GSK3B: variants seen among roughly 807,000 people sequenced by gnomAD.
The protein encoded by GSK3B is glycogen synthase kinase-3 beta.
In GSK3B, 15 loss-of-function variants were observed where a neutral mutation model predicts 56.4. The ratio of observed to expected loss-of-function variants is 0.27; its 90% confidence interval spans 0.18 to 0.41. GSK3B has a LOEUF of 0.41. Ranked by LOEUF, GSK3B falls within the 10% of genes least tolerant of loss-of-function variation. The probability of loss-of-function intolerance (pLI) is 1.00; values close to 1 mark genes in which losing one functional copy is unlikely to be tolerated. For missense variants in GSK3B, 300 were observed against 513.4 expected, an observed-to-expected ratio of 0.58 and a Z score of 4.02; for synonymous variants, 181 against 188.9, an observed-to-expected ratio of 0.96 and a Z score of 0.34.
chr3:120,060,693 T>C (rs1050169451), intron 1 of GSK3B, among the ~76,000 whole-genome samples: 3 of 152,192 alleles, frequency 2.0e-5, no homozygotes, highest in African/African-American at 7.2e-5. Flanking sequence ...GCCACTTCAC[T>C]CCAGCCTGGG....
At chr3:120,022,125 C>G (rs1298222489) in intron 1 of GSK3B, among the ~76,000 whole-genome samples, 1 of 152,196 alleles carries the variant, frequency 6.6e-6, no homozygotes, top group African/African-American at 2.4e-5. Context: ...ATCCAGCAAA[C>G]TTCATGGTTG....
chr3:120,071,030 G>A (rs1464461310), intron 1 of GSK3B, among the ~76,000 whole-genome samples: 4 of 152,134 alleles, frequency 2.6e-5, no homozygotes, highest in Non-Finnish European at 4.4e-5. Flanking sequence ...TAAAAACAAG[G>A]GCTAAATACA....
intron 7 of GSK3B, among the ~76,000 whole-genome samples, chr3:119,891,937 T>G (rs992964502): frequency 6.6e-6 from 1 of 152,180 alleles, no homozygotes; most frequent in Admixed American, 6.5e-5. Context: ...TCAATTTATC[T>G]GTTCCTGGCC....
At position 120,093,728 on chromosome 3, in the gene GSK3B, G is replaced by A; in HGVS notation, c.-294C>T. 1 of 320,858 alleles carries A rather than the reference G, an allele frequency of 3.1e-6. No individual in the cohort carries two copies. Among genetic ancestry groups the A allele is most frequent in the Non-Finnish European group, 5.7e-6 (1 of 175,502 alleles). 19.9% of individuals were successfully genotyped at this position (320,858 alleles called of 1,614,324 possible). ...CTTTCCTGGGAGGAGAGAAAAGAGA[G>A]GGCAAATCCTAAAAAAATATGTATC... is the stretch of plus-strand genomic sequence containing the variant. On this transcript the variant is annotated 5_prime_UTR_variant, in exon 1 of 11. Coordinates refer to ENST00000264235, the MANE Select transcript of GSK3B (RefSeq NM_001146156.2).
chr3:119,966,419 C>G (rs2057318610), intron 2 of GSK3B, among the ~76,000 whole-genome samples: 1 of 152,110 alleles, frequency 6.6e-6, no homozygotes. Context: ...AATATTTCAT[C>G]CTACATCTTA....
intron 1 of GSK3B, among the ~76,000 whole-genome samples, chr3:120,044,383 G>T (rs1441215116): frequency 2.0e-5 from 3 of 152,100 alleles, no homozygotes; most frequent in Non-Finnish European, 4.4e-5. Flanking sequence ...TGATGGTATT[G>T]TGGTGGACCC....
At chr3:119,827,608 A>AAAAT (rs1553721502) in intron 10 of GSK3B, among the ~76,000 whole-genome samples, 22 of 94,624 alleles carry the variant, frequency 2.3e-4, no homozygotes, top group East Asian at 9.2e-4. Flanking sequence ...AAAAAAAAAA[A>AAAAT]AGAGAGAGAG....
chr3:119,964,713 T>C (rs879937588), intron 2 of GSK3B, among the ~76,000 whole-genome samples: 5 of 152,192 alleles, frequency 3.3e-5, no homozygotes, highest in African/African-American at 4.8e-5. Context: ...AGGTGAACTT[T>C]TGAAAATTTG....
chr3:120,025,173 T>C (rs911333059), intron 1 of GSK3B, among the ~76,000 whole-genome samples: 6 of 152,112 alleles, frequency 3.9e-5, no homozygotes, highest in African/African-American at 1.4e-4. Flanking sequence ...AGCCTGGCCA[T>C]CTCTACTAAA....
chr3:119,879,053 T>C (rs953790086), intron 7 of GSK3B, among the ~76,000 whole-genome samples: 4 of 152,218 alleles, frequency 2.6e-5, no homozygotes, highest in Admixed American at 1.3e-4. Context: ...ATATTTATTT[T>C]TGTGGCTACA....
chr3:119,888,958 T>C (rs142693778), intron 7 of GSK3B, among the ~76,000 whole-genome samples: 18 of 152,140 alleles, frequency 1.2e-4, no homozygotes, highest in Admixed American at 3.3e-4. Flanking sequence ...GTCAGACCAG[T>C]TCTCTGCTCT....
At position 120,093,646 on chromosome 3, in the gene GSK3B, G is replaced by A. The variant is rs933768038; in HGVS notation, c.-212C>T. The A allele has an allele frequency of 1.8e-5, 8 of 454,332 alleles. No individual in the cohort carries two copies. The highest frequency in any genetic ancestry group is 2.8e-5 in the Non-Finnish European group (7 of 251,374). The allele number at this position is 454,332 out of a possible 1,614,324, so 28.1% of individuals were successfully genotyped here. The stretch of plus-strand genomic sequence containing the variant: ...TTCTCCTTCAAGACAGATCGGCACG[G>A]ATATTTAACATATAGATGATTTAGG... On this transcript the variant is annotated 5_prime_UTR_variant, in exon 1 of 11. Coordinates refer to ENST00000264235, the MANE Select transcript of GSK3B (RefSeq NM_001146156.2).
At chr3:119,874,853 C>T (rs1479887577) in intron 8 of GSK3B, among the ~76,000 whole-genome samples, 1 of 152,004 alleles carries the variant, frequency 6.6e-6, no homozygotes, top group African/African-American at 2.4e-5. Flanking sequence ...CTTAACATGG[C>T]TGAAGTCATA....
chr3:119,954,786 A>G (rs1439593105), intron 2 of GSK3B, among the ~76,000 whole-genome samples: 2 of 152,216 alleles, frequency 1.3e-5, no homozygotes, highest in African/African-American at 4.8e-5. Flanking sequence ...TGCTTTAAAA[A>G]GAGAGAGAAA....
At chr3:120,020,487 C>T (rs1256278774) in intron 1 of GSK3B, among the ~76,000 whole-genome samples, 1 of 152,134 alleles carries the variant, frequency 6.6e-6, no homozygotes, top group Admixed American at 6.5e-5. Flanking sequence ...TTTTGCAGTA[C>T]TTCAAACTTT....
At chr3:120,093,312 G>A in intron 1 of GSK3B, 35 bp downstream of exon 1, 1 of 1,323,978 alleles carries the variant, frequency 7.6e-7, no homozygotes, top group African/African-American at 1.4e-5. Flanking sequence ...TAAGGGCGAG[G>A]TGGAAAAGGG....
intron 1 of GSK3B, among the ~76,000 whole-genome samples, chr3:120,049,926 A>G (rs1338502338): frequency 6.6e-6 from 1 of 152,242 alleles, no homozygotes; most frequent in Non-Finnish European, 1.5e-5. Context: ...GCTTTAATCC[A>G]TTTTGTAGTG....
rs376658533 is a variant in GSK3B at position 119,975,030 on chromosome 3, T to C, written c.282+27016A>G. 5.3e-5 allele frequency among the ~76,000 whole-genome samples: 8 copies of C among 152,364 alleles called. No homozygotes were observed. The East Asian group carries it at 7.7e-4, about 15-fold the overall frequency. On this transcript the variant is annotated intron_variant, in intron 2 of 10. Coordinates refer to ENST00000264235, the MANE Select transcript of GSK3B (RefSeq NM_001146156.2). Reference sequence around the variant, plus strand: ...ACATAAAAACCTGCACATGAATGTTTACAGCACCTTTATTCATAATTGTCT... The same window carrying C: ...ACATAAAAACCTGCACATGAATGTTCACAGCACCTTTATTCATAATTGTCT...
At chr3:119,937,002 T>A (rs958193412) in intron 3 of GSK3B, among the ~76,000 whole-genome samples, 1 of 152,048 alleles carries the variant, frequency 6.6e-6, no homozygotes, top group South Asian at 2.1e-4. Flanking sequence ...AAAACAATGT[T>A]AATAAATTTT....
Sources: allele counts gnomAD v4.1 joint callset (sites outside exome capture counted in the v4.1 genomes callset), GRCh38; gene constraint gnomAD v4.1.1; transcripts MANE v1.5; gene names NCBI Gene and HGNC (gene_info 2026-07-23, HGNC 2026-07-21).